Variants in KIAA0319 observed in about 807,000 individuals in gnomAD.
KIAA0319 encodes KIAA0319, also known as dyslexia-associated protein KIAA0319.
KIAA0319 carries 83 observed loss-of-function variants against 108.4 expected under a neutral mutation model. The ratio of observed to expected loss-of-function variants is 0.77; its 90% CI spans 0.64 to 0.92. The LOEUF is 0.92. Ranked by LOEUF, KIAA0319 falls within the 40% of genes least tolerant of loss-of-function variation. The probability of loss-of-function intolerance (pLI) is 0.00; values close to 1 mark genes in which losing one functional copy is unlikely to be tolerated. For synonymous variants in KIAA0319, 484 were observed against 510.4 expected, an observed-to-expected ratio of 0.95 and a Z score of 0.70; for missense variants, 1,195 against 1,322.4, an observed-to-expected ratio of 0.90 and a Z score of 1.49.
At position 24,578,106 on chromosome 6, in the gene KIAA0319, T is replaced by C. The variant is rs2127475945; in HGVS notation, c.1505+4A>G. On this transcript the variant is annotated splice_donor_region_variant and intron_variant, in intron 9 of 20. Coordinates refer to ENST00000378214, the MANE Select transcript of KIAA0319 (RefSeq NM_014809.4). Reference sequence around the variant, plus strand: ...CAGCACAATAAAGGCAGGGACCCACTTGCCTGAAACTATAGTTACCAGGAT... The same window carrying C: ...CAGCACAATAAAGGCAGGGACCCACCTGCCTGAAACTATAGTTACCAGGAT... 1.2e-6 allele frequency: 2 copies of C among 1,606,524 alleles called. No homozygotes were observed. Among genetic ancestry groups the C allele is most frequent in the Admixed American group, 1.7e-5 (1 of 58,488 alleles).
At chr6:24,575,014 G>C (rs1453902313) in intron 10 of KIAA0319, among the ~76,000 whole-genome samples, 1 of 152,184 alleles carries the variant, frequency 6.6e-6, no homozygotes. Context: ...CATGTTTCAG[G>C]CAATTGCAAA....
At chr6:24,643,068 T>C (rs1344067871) in intron 1 of KIAA0319, among the ~76,000 whole-genome samples, 2 of 152,208 alleles carry the variant, frequency 1.3e-5, no homozygotes, top group African/African-American at 4.8e-5. Flanking sequence ...GGCAGGATAA[T>C]TCTACAATAT....
chr6:24,560,561 C>T (rs1473748946), intron 16 of KIAA0319, among the ~76,000 whole-genome samples: 2 of 152,212 alleles, frequency 1.3e-5, no homozygotes, highest in South Asian at 2.1e-4. Flanking sequence ...ACACGTCCCA[C>T]GAAGTGGCTT....
chr6:24,580,880 G>T, intron 7 of KIAA0319, 46 bp downstream of exon 7: 2 of 1,302,700 alleles, frequency 1.5e-6, no homozygotes, highest in Non-Finnish European at 2.2e-6. Context: ...ACCAAAAATT[G>T]AGATAAATAT....
intron 1 of KIAA0319, among the ~76,000 whole-genome samples, chr6:24,626,762 A>T (rs77072181): frequency 1.3e-5 from 2 of 152,164 alleles, no homozygotes; most frequent in Admixed American, 1.3e-4. Context: ...GGGAGTTTCC[A>T]TTCCAGTGGA....
chr6:24,583,567 A>AG (rs1313812731), intron 5 of KIAA0319, 37 bp downstream of exon 5: 3 of 1,391,042 alleles, frequency 2.2e-6, no homozygotes, highest in Non-Finnish European at 3.0e-6. Context: ...AAAACACCCC[A>AG]GTTCCTAGTG....
chr6:24,633,856 G>A (rs1775880488), intron 1 of KIAA0319, among the ~76,000 whole-genome samples: 1 of 152,128 alleles, frequency 6.6e-6, no homozygotes, highest in Non-Finnish European at 1.5e-5. Flanking sequence ...ACTACAGGAT[G>A]AGAATTACTA....
chr6:24,631,349 G>A (rs767930822), intron 1 of KIAA0319, among the ~76,000 whole-genome samples: 1 of 152,202 alleles, frequency 6.6e-6, no homozygotes, highest in Non-Finnish European at 1.5e-5. Context: ...GGAAGGAGGG[G>A]ATTTCCCACT....
At chr6:24,617,638 C>G (rs1269882297) in intron 1 of KIAA0319, among the ~76,000 whole-genome samples, 1 of 152,122 alleles carries the variant, frequency 6.6e-6, no homozygotes, top group African/African-American at 2.4e-5. Flanking sequence ...GCCTTGAGCT[C>G]ACTCAAGGTG....
At chr6:24,643,758 T>C (rs1777265912) in intron 1 of KIAA0319, among the ~76,000 whole-genome samples, 2 of 152,252 alleles carry the variant, frequency 1.3e-5, no homozygotes, top group South Asian at 2.1e-4. Flanking sequence ...GAAGCGTTAC[T>C]ATTAAAACAT....
chr6:24,578,708 A>G (rs1561980236), intron 8 of KIAA0319, among the ~76,000 whole-genome samples: 1 of 152,250 alleles, frequency 6.6e-6, no homozygotes, highest in African/African-American at 2.4e-5. Flanking sequence ...TCACAGCCTT[A>G]CATGAAAATC....
intron 11 of KIAA0319, 91 bp downstream of exon 11, chr6:24,572,484 T>C: frequency 6.9e-7 from 1 of 1,452,306 alleles, no homozygotes; most frequent in Admixed American, 2.2e-5. Flanking sequence ...CACAGGCCGG[T>C]ACCACCAAGT....
At position 24,645,874 on chromosome 6, in the gene KIAA0319, CACACACACACACA is replaced by C. The variant is rs1777553042; in HGVS notation, c.-257_-245del. 1 of 148,766 alleles carries C rather than the reference CACACACACACACA, an allele frequency of 6.7e-6. No homozygotes were observed. Among genetic ancestry groups the C allele is most frequent in the Admixed American group, 6.8e-5 (1 of 14,762 alleles). The allele number at this position is 148,766 out of a possible 1,614,324, so 9.2% of individuals were successfully genotyped here. A position where few individuals can be genotyped will look rare whatever the true frequency, so the allele number is the denominator to read the frequency against. On this transcript the variant is annotated 5_prime_UTR_variant, in exon 1 of 21. Coordinates refer to ENST00000378214, the MANE Select transcript of KIAA0319 (RefSeq NM_014809.4). ...ACACACACACACACACACACACACA[CACACACACACACA>C]CGTTCACACCCTCGCGCGCGCACCT...
At chr6:24,549,503 T>C (rs1761148993) in intron 20 of KIAA0319, among the ~76,000 whole-genome samples, 1 of 152,020 alleles carries the variant, frequency 6.6e-6, no homozygotes, top group African/African-American at 2.4e-5. Context: ...TCCTCTTCTG[T>C]GGCATTTTGT....
In KIAA0319 at chr6:24,580,982, G is replaced by A. The variant is rs1308592290; in HGVS notation, c.1223C>T (p.Thr408Ile). 2 of 1,612,828 alleles carry A rather than the reference G, an allele frequency of 1.2e-6. No individual in the cohort carries two copies. Among genetic ancestry groups the A allele is most frequent in the South Asian group, 2.2e-5 (2 of 91,062 alleles). Residue 408 changes from threonine (T) to isoleucine (I), a missense_variant, in exon 7 of 21, where the codon ACT becomes ATT. By Grantham distance (89) the Thr-to-Ile change is moderately conservative. Transcript: ENST00000378214. Reference protein sequence around the residue: ...LSVGLYVFKVTVSSENAFGEG... With the variant: ...LSVGLYVFKVIVSSENAFGEG... ...TCCAAAGGCGTTTTCACTAGAAACA[G>A]TGACTTTGAAGACATAAAGTCCGAC...
chr6:24,609,331 C>T (rs966030878), intron 1 of KIAA0319, among the ~76,000 whole-genome samples: 1 of 149,452 alleles, frequency 6.7e-6, no homozygotes, highest in Admixed American at 6.7e-5. Flanking sequence ...GGAATCCCAG[C>T]ACTTTGGGAG....
intron 11 of KIAA0319, among the ~76,000 whole-genome samples, chr6:24,570,371 G>A (rs1039970289): frequency 6.6e-6 from 1 of 152,008 alleles, no homozygotes; most frequent in Non-Finnish European, 1.5e-5. Context: ...GGCGGATCAC[G>A]AGGTCAGGAG....
chr6:24,572,543 TC>T, intron 11 of KIAA0319, 31 bp downstream of exon 11: 2 of 1,603,768 alleles, frequency 1.2e-6, no homozygotes, highest in Non-Finnish European at 1.7e-6. Flanking sequence ...TGCTTTAATC[TC>T]TGAGGCCAAA....
At chr6:24,600,675 ATTT>A (rs1381673731) in intron 2 of KIAA0319, 1 of 1,534,914 alleles carries the variant, frequency 6.5e-7, no homozygotes, top group Admixed American at 2.0e-5. Flanking sequence ...CTCACCAGTG[ATTT>A]TTTTGCCATG....
Sources: gnomAD v4.1 joint callset for allele counts (sites outside exome capture counted in the v4.1 genomes callset) on GRCh38, gnomAD v4.1.1 for gene constraint, MANE v1.5 for transcripts, NCBI Gene and HGNC (gene_info 2026-07-23, HGNC 2026-07-21) for gene names.